Variants in SV2C observed in about 807,000 individuals in gnomAD.
The protein encoded by SV2C is solute carrier family 22 member B3.
In SV2C, 49 loss-of-function variants were observed where a neutral mutation model predicts 79.7. The ratio of observed to expected loss-of-function variants is 0.61; its 90% CI spans 0.49 to 0.78. The LOEUF (loss-of-function observed/expected upper bound fraction) is 0.78. Ranked by LOEUF, SV2C falls within the 30% of genes least tolerant of loss-of-function variation. The pLI, the probability that SV2C is intolerant of heterozygous loss-of-function variation, is 0.00. For synonymous variants in SV2C, 334 were observed against 333.2 expected (o/e 1.00, Z -0.03); for missense variants, 833 against 912.9 (o/e 0.91, Z 1.13).
chr5:75,851,835 T>G, the SV2C span, among the ~76,000 whole-genome samples: 1 of 152,166 alleles, frequency 6.6e-6, no homozygotes, highest in African/African-American at 2.4e-5. Flanking sequence ...TATTTTTATT[T>G]TGTATTTTTA....
chr5:76,149,036 T>C (rs879378331), intron 2 of SV2C, among the ~76,000 whole-genome samples: 5 of 152,186 alleles, frequency 3.3e-5, no homozygotes, highest in Non-Finnish European at 5.9e-5. Flanking sequence ...TAAAAAATTA[T>C]TTGTTGTTGA....
chr5:75,932,112 T>A, the SV2C span, among the ~76,000 whole-genome samples: 1 of 152,206 alleles, frequency 6.6e-6, no homozygotes, highest in African/African-American at 2.4e-5. Flanking sequence ...CAGTGAGCAG[T>A]CTGGCTTCTG....
the SV2C span, among the ~76,000 whole-genome samples, chr5:75,874,336 G>A: frequency 1.3e-5 from 2 of 152,036 alleles, no homozygotes; most frequent in African/African-American, 2.4e-5. Flanking sequence ...CACAGAAAAG[G>A]CTTTTGATAA....
intron 3 of SV2C, among the ~76,000 whole-genome samples, chr5:76,209,225 A>T (rs1270936166): frequency 6.6e-6 from 1 of 152,222 alleles, no homozygotes; most frequent in Non-Finnish European, 1.5e-5. Context: ...TTGTCAACAC[A>T]TTAACCTAAT....
chr5:76,225,154 G>A (rs574427325), intron 4 of SV2C, among the ~76,000 whole-genome samples: 9 of 152,294 alleles, frequency 5.9e-5, no homozygotes, highest in African/African-American at 1.2e-4. Flanking sequence ...TGCTAAATAC[G>A]ACAGAGTGTG....
At chr5:75,849,858 T>C in the SV2C span, among the ~76,000 whole-genome samples, 2 of 152,306 alleles carry the variant, frequency 1.3e-5, no homozygotes, top group African/African-American at 4.8e-5. Flanking sequence ...TCAAACGATA[T>C]TGGGTTTAGG....
intron 1 of SV2C, among the ~76,000 whole-genome samples, chr5:76,103,088 T>TA (rs961039929): frequency 3.2e-4 from 48 of 151,230 alleles, no homozygotes; most frequent in African/African-American, 8.0e-4. Context: ...CAGGAATGTG[T>TA]AAAAAAAAAT....
the SV2C span, among the ~76,000 whole-genome samples, chr5:75,919,627 A>G: frequency 1.3e-5 from 2 of 152,298 alleles, no homozygotes; most frequent in South Asian, 4.2e-4. Context: ...TCTCATCCTA[A>G]TTAAACTCCT....
At chr5:76,220,270 T>C (rs182529568) in intron 4 of SV2C, among the ~76,000 whole-genome samples, 30 of 152,310 alleles carry the variant, frequency 2.0e-4, no homozygotes, top group Admixed American at 1.8e-3. Context: ...AATTTTGAAG[T>C]AGATACAAGT....
At chr5:76,059,729 A>G in the SV2C span, among the ~76,000 whole-genome samples, 2 of 152,104 alleles carry the variant, frequency 1.3e-5, no homozygotes, top group Admixed American at 6.6e-5. Flanking sequence ...ACTTCCTCCT[A>G]TGAATCACAA....
the SV2C span, among the ~76,000 whole-genome samples, chr5:76,058,796 G>A: frequency 6.6e-6 from 1 of 152,014 alleles, no homozygotes; most frequent in Admixed American, 6.6e-5. Context: ...CATGATTCCT[G>A]CTGAATACTA....
At chr5:76,243,068 G>A (rs61497857) in intron 4 of SV2C, among the ~76,000 whole-genome samples, 16,476 of 132,032 alleles carry the variant, frequency 0.12, 1,057 homozygotes, top group Middle Eastern at 0.2. Flanking sequence ...GAAAGAAAAC[G>A]AAGATAGTGG....
chr5:76,237,139 G>A (rs1056387806), intron 4 of SV2C, among the ~76,000 whole-genome samples: 2 of 152,118 alleles, frequency 1.3e-5, no homozygotes, highest in African/African-American at 2.4e-5. Context: ...CCAGTCGTGG[G>A]TATTTCTTCA....
chr5:75,851,638 T>C, the SV2C span, among the ~76,000 whole-genome samples: 3 of 151,918 alleles, frequency 2.0e-5, no homozygotes, highest in African/African-American at 7.3e-5. Flanking sequence ...GGTGGAAACA[T>C]TGGATCTTTT....
the SV2C span, among the ~76,000 whole-genome samples, chr5:76,018,708 C>T: frequency 6.6e-6 from 1 of 151,992 alleles, no homozygotes; most frequent in Non-Finnish European, 1.5e-5. Flanking sequence ...ATGGAAAAGG[C>T]CAGAAGGAAG....
At chr5:76,000,451 A>G in the SV2C span, among the ~76,000 whole-genome samples, 20 of 152,190 alleles carry the variant, frequency 1.3e-4, no homozygotes, top group South Asian at 4.0e-3. Context: ...CTGCCTCATA[A>G]TGCTGGGCCT....
At chr5:76,168,562 C>G (rs1236154171) in intron 2 of SV2C, among the ~76,000 whole-genome samples, 1 of 152,186 alleles carries the variant, frequency 6.6e-6, no homozygotes, top group Non-Finnish European at 1.5e-5. Flanking sequence ...ACCAAATGCC[C>G]CAAGATGGTC....
the SV2C span, among the ~76,000 whole-genome samples, chr5:76,033,015 T>G: frequency 6.6e-6 from 1 of 152,228 alleles, no homozygotes; most frequent in Non-Finnish European, 1.5e-5. Flanking sequence ...GAGCATTTTT[T>G]CATGTGTTTT....
chr5:76,067,495 G>A, the SV2C span, among the ~76,000 whole-genome samples: 1 of 151,480 alleles, frequency 6.6e-6, no homozygotes, highest in Non-Finnish European at 1.5e-5. Context: ...TGACTGAGAG[G>A]TTTGACAAAT....
Sources: gnomAD v4.1 joint callset for allele counts (sites outside exome capture counted in the v4.1 genomes callset) on GRCh38, gnomAD v4.1.1 for gene constraint, MANE v1.5 for transcripts, NCBI Gene and HGNC (gene_info 2026-07-23, HGNC 2026-07-21) for gene names.